LDLRAD3: variants seen among roughly 807,000 people sequenced by gnomAD.
The protein encoded by LDLRAD3 is low density lipoprotein receptor class A domain containing 3, also known as low-density lipoprotein receptor class A domain-containing protein 3.
LDLRAD3 carries 20 observed loss-of-function variants against 29.4 expected under a neutral mutation model. The observed-to-expected ratio is 0.68, with a 90% confidence interval of 0.48 to 0.99. LDLRAD3 has a LOEUF of 0.99. Among genes scored for constraint, LDLRAD3 ranks in the 50% least tolerant of loss-of-function variants. LDLRAD3 has a pLI of 0.00. For synonymous variants in LDLRAD3, 157 were observed against 192.7 expected, an observed-to-expected ratio of 0.81 and a Z score of 1.53; for missense variants, 420 against 454.3, an observed-to-expected ratio of 0.92 and a Z score of 0.69.
intron 1 of LDLRAD3, among the ~76,000 whole-genome samples, chr11:36,023,313 G>T (rs554277152): frequency 6.6e-6 from 1 of 152,298 alleles, no homozygotes; most frequent in Admixed American, 6.5e-5. Context: ...GGAGGTAGGT[G>T]TGATTCCCGT....
intron 1 of LDLRAD3, among the ~76,000 whole-genome samples, chr11:35,995,220 T>G (rs1851739080): frequency 6.6e-6 from 1 of 152,250 alleles, no homozygotes; most frequent in African/African-American, 2.4e-5. Context: ...AAAGTTGGAA[T>G]GACTCTTTGA....
rs116759173 is a variant in LDLRAD3, at chr11:36,149,240, G to A, written c.454+50779G>A. ...GATCAGGCACTCAGGCCTGGGAGGG[G>A]AGAAGACATCAGACGTCAGGGGATG... is the stretch of plus-strand genomic sequence containing the variant. On this transcript the variant is annotated intron_variant, in intron 4 of 5. Coordinates refer to ENST00000315571, the MANE Select transcript of LDLRAD3 (RefSeq NM_174902.4). Among the ~76,000 whole-genome samples, 523 of 152,298 alleles carry A rather than the reference G, an allele frequency of 3.4e-3. 2 individuals are homozygous for A. The highest frequency in any genetic ancestry group is 0.012 in the African/African-American group (500 of 41,566).
intron 3 of LDLRAD3, 54 bp from the exon 4 acceptor site, chr11:36,098,272 TC>T: frequency 1.2e-6 from 2 of 1,605,922 alleles, no homozygotes; most frequent in Non-Finnish European, 1.7e-6. Context: ...AGTTCCAGGG[TC>T]CCCAAGGGAA....
intron 1 of LDLRAD3, among the ~76,000 whole-genome samples, chr11:35,974,156 T>G (rs1851449112): frequency 6.6e-6 from 1 of 152,232 alleles, no homozygotes; most frequent in African/African-American, 2.4e-5. Flanking sequence ...TCTTTCATAG[T>G]TTTTGGACTT....
In LDLRAD3 at chr11:36,229,409, T is replaced by A. The variant is rs540593338; in HGVS notation, c.*12T>A. 2.6e-5 allele frequency: 41 copies of A among 1,573,594 alleles called. No homozygotes were observed. Among genetic ancestry groups the A allele is most frequent in the Non-Finnish European group, 3.6e-5 (41 of 1,145,132 alleles). On this transcript the variant is annotated 3_prime_UTR_variant, in exon 6 of 6. Transcript: ENST00000315571. ...CTGAAGAAGTATAAGTCCCAGTTAT[T>A]CCAAAGTCCATATGGGTTAATCTGC...
Position 36,229,623 on chromosome 11 carries a change from T to G in LDLRAD3, c.*226T>G. 1 of 487,884 alleles carries G rather than the reference T, an allele frequency of 2.0e-6. No individual in the cohort carries two copies. Among genetic ancestry groups the G allele is most frequent in the Non-Finnish European group, 3.6e-6 (1 of 275,702 alleles). The allele number at this position is 487,884 out of a possible 1,614,324, so 30.2% of individuals were successfully genotyped here. A position where few individuals can be genotyped will look rare whatever the true frequency, so the allele number is the denominator to read the frequency against. ...TGCGTCTTTTCTGTCAGGTCACTCT[T>G]CCCTTGGGACCCGAGATCACACCCT... On this transcript the variant is annotated 3_prime_UTR_variant, in exon 6 of 6. Coordinates refer to ENST00000315571, the MANE Select transcript of LDLRAD3 (RefSeq NM_174902.4).
chr11:36,201,259 C>G lies in LDLRAD3; in HGVS notation c.455-25826C>G, dbSNP rs569056799. On this transcript the variant is annotated intron_variant, in intron 4 of 5. Transcript: ENST00000315571. ...ACAGCCCTCCCCACTCAATACAAGT[C>G]TTTGTTGCTGTATGGTAGAAAAAAT... Among the ~76,000 whole-genome samples, 5 of 152,284 alleles carry G rather than the reference C, an allele frequency of 3.3e-5. No homozygotes were observed. In the East Asian group the frequency reaches 7.7e-4, roughly 24 times the overall value.
Position 36,030,662 on chromosome 11 carries a change from C to CTGTACCTATGTATGGGTGTA in LDLRAD3, c.47-5438_47-5437insACCTATGTATGGGTGTATGT, listed in dbSNP as rs1441012085. On this transcript the variant is annotated intron_variant, in intron 1 of 5. Transcript: ENST00000315571. ...TGTGTCTGTACCTATGTATGGGTGTCTGTCTTGCTTTTGCTGTTCATTGAG... is the reference window on the plus strand; with the variant it reads ...TGTGTCTGTACCTATGTATGGGTGTCTGTACCTATGTATGGGTGTATGTCTTGCTTTTGCTGTTCATTGAG... Among the ~76,000 whole-genome samples, 10 of 152,068 alleles carry CTGTACCTATGTATGGGTGTA rather than the reference C, an allele frequency of 6.6e-5. 1 individual carries two copies. Among genetic ancestry groups the CTGTACCTATGTATGGGTGTA allele is most frequent in the Admixed American group, 5.2e-4 (8 of 15,278 alleles).
At chr11:36,048,002 G>A (rs1446494483) in intron 2 of LDLRAD3, among the ~76,000 whole-genome samples, 2 of 149,746 alleles carry the variant, frequency 1.3e-5, no homozygotes, top group African/African-American at 5.0e-5. Flanking sequence ...GAAAGTGCTG[G>A]CTCCTGGTGC....
chr11:36,128,637 T>G (rs955626834), intron 4 of LDLRAD3, among the ~76,000 whole-genome samples: 2 of 151,988 alleles, frequency 1.3e-5, no homozygotes, highest in Non-Finnish European at 2.9e-5. Context: ...TTGCCTGAGG[T>G]CGGGACTTCA....
rs1192448707 is a variant in LDLRAD3, at chr11:36,223,754, A to AT, written c.455-3330dup. Among the ~76,000 whole-genome samples the AT allele has an allele frequency of 7.4e-5, 5 of 67,232 alleles. No homozygotes were observed. The East Asian group carries it at 1.6e-3, about 21-fold the overall frequency. 44.1% of individuals were successfully genotyped at this position (67,232 alleles called of 152,430 possible). ...ATTAAACATTAAAAAGGAATAAAAA[A>AT]TAAAAAAAATACATCTCACTGGAAT... On this transcript the variant is annotated intron_variant, in intron 4 of 5. Transcript: ENST00000315571.
At chr11:36,139,020 A>C (rs908846516) in intron 4 of LDLRAD3, among the ~76,000 whole-genome samples, 16 of 152,312 alleles carry the variant, frequency 1.1e-4, no homozygotes, top group East Asian at 9.7e-4. Context: ...AGGAAAATGC[A>C]ACTCTCACTT....
At chr11:36,057,877 G>C (rs1393717446) in intron 2 of LDLRAD3, among the ~76,000 whole-genome samples, 2 of 152,152 alleles carry the variant, frequency 1.3e-5, no homozygotes, top group African/African-American at 2.4e-5. Context: ...GCTGGTCTGG[G>C]TTCACATCCT....
At chr11:36,204,074 G>C (rs1855168116) in intron 4 of LDLRAD3, among the ~76,000 whole-genome samples, 1 of 152,150 alleles carries the variant, frequency 6.6e-6, no homozygotes, top group African/African-American at 2.4e-5. Flanking sequence ...GACCCGGGGA[G>C]AACCTTTTGC....
chr11:36,121,938 G>A (rs890681905), intron 4 of LDLRAD3, among the ~76,000 whole-genome samples: 1 of 152,178 alleles, frequency 6.6e-6, no homozygotes, highest in African/African-American at 2.4e-5. Context: ...CTGCTCATTC[G>A]TGTTTTACAC....
intron 4 of LDLRAD3, among the ~76,000 whole-genome samples, chr11:36,207,790 C>T (rs1471883162): frequency 2.0e-5 from 3 of 152,148 alleles, no homozygotes; most frequent in African/African-American, 7.2e-5. Flanking sequence ...AGAGGTTGTC[C>T]ACCACACTGG....
chr11:36,026,151 A>G (rs1223135553), intron 1 of LDLRAD3, among the ~76,000 whole-genome samples: 1 of 152,130 alleles, frequency 6.6e-6, no homozygotes, highest in Non-Finnish European at 1.5e-5. Flanking sequence ...TATTTTTTAA[A>G]CAGGATGTAG....
chr11:36,076,836 G>A lies in LDLRAD3; in HGVS notation c.194-4817G>A, dbSNP rs747251327. Among the ~76,000 whole-genome samples the A allele has an allele frequency of 2.0e-5, 3 of 152,070 alleles. No individual in the cohort carries two copies. The South Asian group carries it at 6.2e-4, about 32-fold the overall frequency. Reference sequence around the variant, plus strand: ...GAGAAACAAATATAACTAGTGTACAGTATTGTAGATTTTTTTTTTCTTTAG... The same window carrying A: ...GAGAAACAAATATAACTAGTGTACAATATTGTAGATTTTTTTTTTCTTTAG... On this transcript the variant is annotated intron_variant, in intron 2 of 5. Transcript: ENST00000315571.
At chr11:36,029,170 G>A (rs113044024) in intron 1 of LDLRAD3, among the ~76,000 whole-genome samples, 1 of 152,172 alleles carries the variant, frequency 6.6e-6, no homozygotes, top group South Asian at 2.1e-4. Context: ...GCTTGAACCC[G>A]GGAGGCGGAG....
Sources: allele counts gnomAD v4.1 joint callset (sites outside exome capture counted in the v4.1 genomes callset), GRCh38; gene constraint gnomAD v4.1.1; transcripts MANE v1.5; gene names NCBI Gene and HGNC (gene_info 2026-07-23, HGNC 2026-07-21).